Variants in PIK3R5 observed in about 807,000 individuals in gnomAD.
PIK3R5 encodes phosphoinositide 3-kinase regulatory subunit 5.
PIK3R5 carries 32 observed loss-of-function variants against 94.9 expected under a neutral mutation model. The ratio of observed to expected loss-of-function variants is 0.34; its 90% CI spans 0.25 to 0.45. PIK3R5 has a LOEUF of 0.45. Among genes scored for constraint, PIK3R5 ranks in the 20% least tolerant of loss-of-function variants. The pLI is 1.00. For missense variants in PIK3R5, 853 were observed against 1,144.6 expected (o/e 0.75, Z 3.68); for synonymous variants, 443 against 479.4 (o/e 0.92, Z 0.99).
rs61571994 is a variant in PIK3R5 at position 8,893,076 on chromosome 17, GTGTGTGTGTT to G, written c.482+500_482+509del. Among the ~76,000 whole-genome samples, 5,935 of 119,192 alleles carry G rather than the reference GTGTGTGTGTT, an allele frequency of 0.05. 210 individuals carry two copies. Among genetic ancestry groups the G allele is most frequent in the South Asian group, 0.13 (509 of 3,780 alleles). 78.2% of individuals were successfully genotyped at this position (119,192 alleles called of 152,430 possible). A position where few individuals can be genotyped will look rare whatever the true frequency, so the allele number is the denominator to read the frequency against. On this transcript the variant is annotated intron_variant, in intron 6 of 18. Coordinates refer to ENST00000447110, the MANE Select transcript of PIK3R5 (RefSeq NM_001142633.3). The surrounding 1 kb of genome is among the most constrained non-coding windows in gnomAD (Gnocchi z 5.1). ...TGTGTGTGTGTGTGTGTGTGTGTGTGTGTGTGTGTTTGTGTATCAGGCTGTCATATAAAAT... is the reference window on the plus strand; with the variant it reads ...TGTGTGTGTGTGTGTGTGTGTGTGTGTGTGTATCAGGCTGTCATATAAAAT...
At chr17:8,907,564 T>TAA (rs2090422541) in intron 3 of PIK3R5, among the ~76,000 whole-genome samples, 1 of 151,660 alleles carries the variant, frequency 6.6e-6, no homozygotes, top group African/African-American at 2.4e-5. Context: ...ATTTATACTA[T>TAA]CTATATATAT....
In PIK3R5 at chr17:8,917,290, G is replaced by A. The variant is rs537897263; in HGVS notation, c.-13-5783C>T. On this transcript the variant is annotated intron_variant, in intron 1 of 18. Transcript: ENST00000447110. ...TAGCTTTAACGCTTAGAACCATGGCGATATTTTACATACCCAAAATTAAAT... is the reference window on the plus strand; with the variant it reads ...TAGCTTTAACGCTTAGAACCATGGCAATATTTTACATACCCAAAATTAAAT... Among the ~76,000 whole-genome samples, 12 of 152,232 alleles carry A rather than the reference G, an allele frequency of 7.9e-5. No individual in the cohort carries two copies. The South Asian group carries it at 8.3e-4, about 11-fold the overall frequency.
intron 5 of PIK3R5, chr17:8,894,044 G>A (rs2090090369): frequency 1.2e-5 from 2 of 173,074 alleles, no homozygotes; most frequent in South Asian, 2.3e-4. Flanking sequence ...AGCCCGTGTC[G>A]GAAGCCTGAG....
Position 8,880,638 on chromosome 17 carries a change from A to G in PIK3R5, c.*1T>C. 1 of 1,605,508 alleles carries G rather than the reference A, an allele frequency of 6.2e-7. No homozygotes were observed. The highest frequency in any genetic ancestry group is 8.5e-7 in the Non-Finnish European group (1 of 1,176,050). On this transcript the variant is annotated 3_prime_UTR_variant, in exon 19 of 19. Transcript: ENST00000447110. ...CTGTCCAGTCTGGCGCTGGGCCCAC[A>G]CTAGGGCAGAGCTCCACTGAAAGTC...
At chr17:8,897,926 T>C (rs1057013682) in intron 5 of PIK3R5, among the ~76,000 whole-genome samples, 2 of 147,936 alleles carry the variant, frequency 1.4e-5, no homozygotes, top group African/African-American at 2.4e-5. Flanking sequence ...ATTGTGTGTG[T>C]GTATGTGTGT....
At chr17:8,898,483 A>G (rs1488508774) in intron 5 of PIK3R5, among the ~76,000 whole-genome samples, 2 of 152,234 alleles carry the variant, frequency 1.3e-5, no homozygotes, top group African/African-American at 4.8e-5. Context: ...AAAGGATGGG[A>G]TATGACTTTT....
intron 1 of PIK3R5, among the ~76,000 whole-genome samples, chr17:8,922,184 G>A (rs2090764429): frequency 6.6e-6 from 1 of 151,908 alleles, no homozygotes; most frequent in African/African-American, 2.4e-5. Flanking sequence ...AGGGAGGGAG[G>A]GAGGAAGAAA....
At chr17:8,947,791 C>T (rs938400736) in intron 1 of PIK3R5, among the ~76,000 whole-genome samples, 2 of 152,080 alleles carry the variant, frequency 1.3e-5, no homozygotes, top group African/African-American at 4.8e-5. Flanking sequence ...TGCCTGTAAT[C>T]CCAGCACTTT....
chr17:8,902,282 A>C (rs1597389244), intron 5 of PIK3R5, among the ~76,000 whole-genome samples: 1 of 98,738 alleles, frequency 1.0e-5, no homozygotes, highest in African/African-American at 4.2e-5. Flanking sequence ...TTTTAGATGG[A>C]GTCTCGCTTT....
intron 1 of PIK3R5, among the ~76,000 whole-genome samples, chr17:8,956,024 G>A (rs1421936466): frequency 1.3e-5 from 2 of 152,060 alleles, no homozygotes; most frequent in Non-Finnish European, 2.9e-5. Flanking sequence ...GCTGGGCGTG[G>A]TGGCATACAC....
rs1184559923 is a variant in PIK3R5, at chr17:8,880,647, G to A, written c.2635C>T (p.Leu879=). The change falls in exon 19 of 19, where the codon CTG becomes TTG. Residue 879 remains leucine, a synonymous_variant. Transcript: ENST00000447110. ...CTGGCGCTGGGCCCACACTAGGGCA[G>A]AGCTCCACTGAAAGTCATGATGGGC... ...CLPIMTFSGA[L]P is the part of the protein sequence containing the mutation. 6.2e-7 allele frequency: 1 copy of A among 1,608,934 alleles called. No homozygotes were observed.
At chr17:8,963,694 C>A (rs928640599) in intron 1 of PIK3R5, among the ~76,000 whole-genome samples, 2 of 151,814 alleles carry the variant, frequency 1.3e-5, no homozygotes, top group Non-Finnish European at 2.9e-5. Flanking sequence ...TTCTTGAGGG[C>A]AATAATCAAC....
At chr17:8,901,602 T>G (rs1307028439) in intron 5 of PIK3R5, among the ~76,000 whole-genome samples, 1 of 152,220 alleles carries the variant, frequency 6.6e-6, no homozygotes, top group Non-Finnish European at 1.5e-5. Context: ...TGTGTGTGTT[T>G]AATGTGTAAG....
At chr17:8,921,116 C>T (rs1014812896) in intron 1 of PIK3R5, among the ~76,000 whole-genome samples, 2 of 152,196 alleles carry the variant, frequency 1.3e-5, no homozygotes, top group Non-Finnish European at 2.9e-5. Context: ...GCTGGGATTA[C>T]AGGCATGAGC....
intron 5 of PIK3R5, among the ~76,000 whole-genome samples, chr17:8,897,249 C>T (rs574472454): frequency 4.6e-5 from 7 of 152,220 alleles, no homozygotes; most frequent in East Asian, 1.9e-4. Flanking sequence ...CTCTGGCCAC[C>T]GGGAGTCCAG....
intron 1 of PIK3R5, among the ~76,000 whole-genome samples, chr17:8,931,324 C>T (rs963391707): frequency 3.3e-5 from 5 of 152,096 alleles, no homozygotes; most frequent in Non-Finnish European, 7.4e-5. Context: ...GGTGCTTTCA[C>T]CATCAGATGA....
At chr17:8,922,167 G>A (rs2090763782) in intron 1 of PIK3R5, among the ~76,000 whole-genome samples, 2 of 145,744 alleles carry the variant, frequency 1.4e-5, no homozygotes, top group South Asian at 4.8e-4. Flanking sequence ...GAGGGTGGGA[G>A]AGAAGGAGGG....
At chr17:8,921,823 C>G (rs1248649837) in intron 1 of PIK3R5, among the ~76,000 whole-genome samples, 2 of 152,056 alleles carry the variant, frequency 1.3e-5, no homozygotes, top group African/African-American at 4.8e-5. Context: ...AACTATAAAA[C>G]TCTTAGAAGA....
intron 1 of PIK3R5, among the ~76,000 whole-genome samples, chr17:8,920,585 G>C (rs1031041353): frequency 1.3e-5 from 2 of 152,202 alleles, no homozygotes; most frequent in Non-Finnish European, 2.9e-5. Context: ...GCTATTTTTG[G>C]AATCCCTTTT....
Sources: gnomAD v4.1 joint callset for allele counts (sites outside exome capture counted in the v4.1 genomes callset) on GRCh38, gnomAD v4.1.1 for gene constraint, Gnocchi (gnomAD v3.1) non-coding constraint, MANE v1.5 for transcripts, NCBI Gene and HGNC (gene_info 2026-07-23, HGNC 2026-07-21) for gene names.